NAALADL2: variants seen among roughly 807,000 people sequenced by gnomAD.
NAALADL2 encodes the protein N-acetylated alpha-linked acidic dipeptidase like 2.
Under a neutral mutation model 87.2 loss-of-function variants are expected in NAALADL2, and 76 were observed. The ratio of observed to expected loss-of-function variants is 0.87; its 90% CI spans 0.72 to 1.05. The LOEUF (loss-of-function observed/expected upper bound fraction) is 1.05, where lower values mean the gene tolerates loss of function less well. Ranked by LOEUF, NAALADL2 falls within the 50% of genes least tolerant of loss-of-function variation. The pLI, the probability that NAALADL2 is intolerant of heterozygous loss-of-function variation, is 0.00. For synonymous variants in NAALADL2, 354 were observed against 331.0 expected (o/e 1.07, Z -0.75); for missense variants, 1,089 against 945.8 (o/e 1.15, Z -1.99).
At chr3:175,074,823 G>T (rs1716293643) in intron 1 of NAALADL2, among the ~76,000 whole-genome samples, 1 of 151,788 alleles carries the variant, frequency 6.6e-6, no homozygotes, top group East Asian at 1.9e-4. Flanking sequence ...AGGGGTGAAT[G>T]GTTGATATAT....
chr3:174,466,273 ATTTT>A (rs1326538046), intron 1 of NAALADL2, among the ~76,000 whole-genome samples: 1 of 137,632 alleles, frequency 7.3e-6, no homozygotes. Context: ...ACATTATGAG[ATTTT>A]TTTTTTTTTT....
At chr3:175,121,705 C>G (rs1726183994) in intron 2 of NAALADL2, among the ~76,000 whole-genome samples, 1 of 151,816 alleles carries the variant, frequency 6.6e-6, no homozygotes, top group African/African-American at 2.4e-5. Context: ...CCTGGGCATC[C>G]TCCCTATGCA....
intron 1 of NAALADL2, among the ~76,000 whole-genome samples, chr3:174,890,413 A>C (rs1225939238): frequency 2.0e-5 from 3 of 152,182 alleles, no homozygotes; most frequent in Non-Finnish European, 4.4e-5. Flanking sequence ...AAGACATGTA[A>C]ATAATAGTAG....
At chr3:174,689,295 A>G (rs1031021359) in intron 2 of NAALADL2, among the ~76,000 whole-genome samples, 3 of 151,726 alleles carry the variant, frequency 2.0e-5, no homozygotes, top group African/African-American at 4.8e-5. Context: ...GCCCTTTTCT[A>G]TCATCTCTGT....
At chr3:175,444,363 A>G (rs1025293388) in intron 5 of NAALADL2, among the ~76,000 whole-genome samples, 3 of 152,324 alleles carry the variant, frequency 2.0e-5, no homozygotes, top group African/African-American at 4.8e-5. Flanking sequence ...GACATTGTCT[A>G]TGCTTTGAAA....
intron 9 of NAALADL2, among the ~76,000 whole-genome samples, chr3:175,520,851 G>A (rs1379923827): frequency 6.6e-6 from 1 of 151,974 alleles, no homozygotes; most frequent in Non-Finnish European, 1.5e-5. Context: ...CAAGAAGAGT[G>A]AAAAATCCTC....
chr3:174,794,222 C>G (rs1362623920), intron 3 of NAALADL2, among the ~76,000 whole-genome samples: 1 of 152,050 alleles, frequency 6.6e-6, no homozygotes, highest in Non-Finnish European at 1.5e-5. Context: ...TGATAGTCTT[C>G]TGCCCAATGT....
intron 2 of NAALADL2, among the ~76,000 whole-genome samples, chr3:174,674,553 G>C (rs1337442534): frequency 6.6e-6 from 1 of 151,804 alleles, no homozygotes; most frequent in East Asian, 1.9e-4. Flanking sequence ...AGTTTGAAAA[G>C]GGTTTTACAC....
intron 1 of NAALADL2, among the ~76,000 whole-genome samples, chr3:175,000,152 G>T (rs751805457): frequency 4.6e-5 from 7 of 152,012 alleles, no homozygotes; most frequent in Non-Finnish European, 8.8e-5. Context: ...TATGAACCAG[G>T]TTCTTTGTTA....
chr3:175,429,164 A>C (rs566459447), intron 5 of NAALADL2, among the ~76,000 whole-genome samples: 12 of 134,026 alleles, frequency 9.0e-5, no homozygotes, highest in African/African-American at 3.5e-4. Flanking sequence ...GGACTATAGT[A>C]ATATATATAT....
intron 5 of NAALADL2, among the ~76,000 whole-genome samples, chr3:175,423,443 T>A (rs1356715642): frequency 1.7e-5 from 2 of 115,652 alleles, no homozygotes; most frequent in Non-Finnish European, 3.4e-5. Context: ...CAGGCCCCGG[T>A]GTGTGATGTT....
intron 13 of NAALADL2, among the ~76,000 whole-genome samples, chr3:175,774,126 T>G (rs1235199312): frequency 6.6e-6 from 1 of 152,076 alleles, no homozygotes; most frequent in Admixed American, 6.6e-5. Context: ...TAATACACAC[T>G]ATTATTTTAG....
intron 2 of NAALADL2, among the ~76,000 whole-genome samples, chr3:174,584,440 A>C (rs1035437961): frequency 2.6e-5 from 4 of 152,044 alleles, no homozygotes; most frequent in Admixed American, 2.6e-4. Flanking sequence ...TTTTTAGTAC[A>C]TCAGATTTAT....
chr3:174,718,987 A>C (rs1407643835), intron 2 of NAALADL2, among the ~76,000 whole-genome samples: 1 of 152,138 alleles, frequency 6.6e-6, no homozygotes, highest in Non-Finnish European at 1.5e-5. Flanking sequence ...TCTTGAAGCC[A>C]TTCTGTACAG....
At chr3:174,879,711 C>A (rs1277208080) in intron 1 of NAALADL2, among the ~76,000 whole-genome samples, 1 of 151,850 alleles carries the variant, frequency 6.6e-6, no homozygotes, top group Non-Finnish European at 1.5e-5. Context: ...AACTACAGTC[C>A]CATTTTTCTT....
At chr3:175,672,345 A>G (rs1049692367) in intron 11 of NAALADL2, among the ~76,000 whole-genome samples, 2 of 152,110 alleles carry the variant, frequency 1.3e-5, no homozygotes, top group Non-Finnish European at 2.9e-5. Context: ...TGCTATTTTT[A>G]TGCTGAGATA....
intron 11 of NAALADL2, among the ~76,000 whole-genome samples, chr3:175,665,471 A>C (rs891495656): frequency 6.6e-6 from 1 of 152,210 alleles, no homozygotes; most frequent in African/African-American, 2.4e-5. Flanking sequence ...TCCTAAATAC[A>C]TAGAAAGGTG....
intron 1 of NAALADL2, among the ~76,000 whole-genome samples, chr3:174,544,404 A>T (rs1722535168): frequency 6.6e-6 from 1 of 151,628 alleles, no homozygotes; most frequent in South Asian, 2.1e-4. Context: ...AAAACATATG[A>T]TTTTTTTTCT....
In NAALADL2 at chr3:174,981,195, TA is replaced by T. The variant is rs1387886136; in HGVS notation, c.44-115591del. On this transcript the variant is annotated intron_variant, in intron 1 of 13. Coordinates refer to ENST00000454872, the MANE Select transcript of NAALADL2 (RefSeq NM_207015.3). ...CCTCTAAATTAATACATTATTATTT[TA>T]AAATACTGCTGCATTTAAGTATACT... Among the ~76,000 whole-genome samples the T allele has an allele frequency of 3.3e-5, 5 of 152,200 alleles. No individual in the cohort carries two copies. In the East Asian group the frequency reaches 9.6e-4, roughly 29 times the overall value.
Sources: gnomAD v4.1 joint callset for allele counts (sites outside exome capture counted in the v4.1 genomes callset) on GRCh38, gnomAD v4.1.1 for gene constraint, MANE v1.5 for transcripts, NCBI Gene and HGNC (gene_info 2026-07-23, HGNC 2026-07-21) for gene names.